TEX15: variants seen among roughly 807,000 people sequenced by gnomAD.
TEX15 encodes the protein testis expressed 15, meiosis and synapsis associated.
In TEX15, 171 loss-of-function variants were observed where a neutral mutation model predicts 237.3. The ratio of observed to expected loss-of-function variants is 0.72; its 90% CI spans 0.64 to 0.82. The LOEUF (loss-of-function observed/expected upper bound fraction) is 0.82. Ranked by LOEUF, TEX15 falls within the 40% of genes least tolerant of loss-of-function variation. TEX15 has a pLI of 0.00. For synonymous variants in TEX15, 1,338 were observed against 1,269.8 expected (o/e 1.05, Z -1.14); for missense variants, 3,750 against 3,646.5 (o/e 1.03, Z -0.73).
At chr8:30,866,278 G>A (rs1422115059) in intron 5 of TEX15, among the ~76,000 whole-genome samples, 4 of 151,104 alleles carry the variant, frequency 2.6e-5, no homozygotes, top group African/African-American at 9.7e-5. Context: ...AAAGGAAAAT[G>A]GAAGGGAGAA....
chr8:30,862,761 T>C (rs2128771008), intron 5 of TEX15, among the ~76,000 whole-genome samples: 1 of 152,298 alleles, frequency 6.6e-6, no homozygotes, highest in East Asian at 1.9e-4. Flanking sequence ...TAAATCTTTT[T>C]TTTTCTTTTC....
At chr8:30,895,171 G>A (rs1808872835) in intron 2 of TEX15, among the ~76,000 whole-genome samples, 1 of 151,766 alleles carries the variant, frequency 6.6e-6, no homozygotes. Flanking sequence ...AGATGGAAAA[G>A]GCCCATACCA....
intron 2 of TEX15, among the ~76,000 whole-genome samples, chr8:30,890,092 C>CAATACAT (rs1808766730): frequency 6.6e-6 from 1 of 150,826 alleles, no homozygotes; most frequent in East Asian, 1.9e-4. Context: ...ATGTACACGG[C>CAATACAT]AATACATATA....
chr8:30,845,175 A>G lies in TEX15; in HGVS notation c.4992T>C (p.Asp1664=), dbSNP rs758816379. ...AAATAAGGTTACCTTGTTGGTAGAGATCATTTAAAAAGTGCTTCACATTTG... is the reference window on the plus strand; with the variant it reads ...AAATAAGGTTACCTTGTTGGTAGAGGTCATTTAAAAAGTGCTTCACATTTG... ...LDSNVKHFLN[D]LYQQGNLILS... is the part of the protein sequence containing the mutation. Residue 1664 remains aspartate (D), a synonymous_variant, in exon 8 of 11, where the codon GAT becomes GAC. Coordinates refer to ENST00000643185, the MANE Select transcript of TEX15 (RefSeq NM_001350162.2). The G allele has an allele frequency of 6.2e-7, 1 of 1,613,472 alleles. No homozygotes were observed. The highest frequency in any genetic ancestry group is 1.1e-5 in the South Asian group (1 of 91,058).
At position 30,846,494 on chromosome 8, in the gene TEX15, T is replaced by A; in HGVS notation, c.3673A>T (p.Ile1225Leu). 1 of 1,613,566 alleles carries A rather than the reference T, an allele frequency of 6.2e-7. No homozygotes were observed. The highest frequency in any genetic ancestry group is 2.2e-5 in the East Asian group (1 of 44,868). The change falls in exon 8 of 11, where the codon ATA (isoleucine) becomes TTA (leucine). Residue 1225 changes from isoleucine to leucine, a missense_variant. Ile to Leu is a conservative substitution (Grantham distance 5, BLOSUM62 2). Coordinates refer to ENST00000643185, the MANE Select transcript of TEX15 (RefSeq NM_001350162.2). ...DYPCEDKVDN[I>L]RQESGPVSNS... Reference sequence around the variant, plus strand: ...CTCACTGGCCCTGATTCTTGCCTTATATTATCAACTTTATCTTCACATGGA... The same window carrying A: ...CTCACTGGCCCTGATTCTTGCCTTAAATTATCAACTTTATCTTCACATGGA...
In TEX15 at chr8:30,900,874, A is replaced by G. The variant is rs111755900; in HGVS notation, c.-85-2057T>C. 6.6e-5 allele frequency among the ~76,000 whole-genome samples: 10 copies of G among 152,336 alleles called. 1 individual carries two copies. The highest frequency in any genetic ancestry group is 2.4e-4 in the African/African-American group (10 of 41,584). On this transcript the variant is annotated intron_variant, in intron 1 of 10. Transcript: ENST00000643185. ...GTGATATTCCATGAAAAGAAAAACT[A>G]GGGCTGGGCATGGTGGCTCACACCT...
intron 3 of TEX15, among the ~76,000 whole-genome samples, chr8:30,881,610 C>CTTATT (rs1808523224): frequency 9.1e-6 from 1 of 109,426 alleles, no homozygotes; most frequent in African/African-American, 6.5e-5. Context: ...TCCATCTTGA[C>CTTATT]TTTTTATTTT....
At chr8:30,854,036 T>C (rs928393182) in intron 7 of TEX15, among the ~76,000 whole-genome samples, 2 of 152,010 alleles carry the variant, frequency 1.3e-5, no homozygotes, top group African/African-American at 4.8e-5. Context: ...TAAAGACCTA[T>C]ATTAACAAAG....
chr8:30,846,882 AGCCTTATATGAG>A lies in TEX15; in HGVS notation c.3273_3284del (p.Ser1092_Ala1095del), dbSNP rs1363244966. On this transcript the variant is annotated inframe_deletion, in exon 8 of 11. Coordinates refer to ENST00000643185, the MANE Select transcript of TEX15 (RefSeq NM_001350162.2). ...CTTCCCAACTGATACGAGACTTCAGAGCCTTATATGAGGTCACAAATTCTTCACAAAGCATGT... is the reference window on the plus strand; with the variant it reads ...CTTCCCAACTGATACGAGACTTCAGAGTCACAAATTCTTCACAAAGCATGT... 6.2e-7 allele frequency: 1 copy of A among 1,613,772 alleles called. No individual in the cohort carries two copies. Among genetic ancestry groups the A allele is most frequent in the African/African-American group, 1.3e-5 (1 of 74,922 alleles).
rs747577562 is a variant in TEX15, at chr8:30,849,334, A to T, written c.851-18T>A. 6.9e-7 allele frequency: 1 copy of T among 1,451,370 alleles called. No individual in the cohort carries two copies. Among genetic ancestry groups the T allele is most frequent in the African/African-American group, 1.4e-5 (1 of 69,706 alleles). The allele number at this position is 1,451,370 out of a possible 1,614,324, so 89.9% of individuals were successfully genotyped here. A position where few individuals can be genotyped will look rare whatever the true frequency, so the allele number is the denominator to read the frequency against. The stretch of plus-strand genomic sequence containing the variant: ...TGTCCTTTCTGTGGAAATAATAAGG[A>T]AGACAAATTTGAAAAAAAGTGTTTC... On this transcript the variant is annotated intron_variant, in intron 7 of 10. Transcript: ENST00000643185.
At position 30,837,964 on chromosome 8, in the gene TEX15, G is replaced by A; in HGVS notation, c.8320C>T (p.Gln2774Ter). ...NHLTPKKVEM[Q>*]RSLPGSLLPL... ...AAAAGTGAGCCAGGTAGTGATCTTT[G>A]CATTTCAACCTTTTTTGGCGTTAAA... The change falls in exon 10 of 11, where the codon CAA (glutamine) becomes TAA (stop). Residue 2774 changes from glutamine to a stop codon, truncating the protein, a stop_gained. Coordinates refer to ENST00000643185, the MANE Select transcript of TEX15 (RefSeq NM_001350162.2). LOFTEE classifies it high-confidence loss of function. The A allele has an allele frequency of 6.2e-7, 1 of 1,614,036 alleles. No homozygotes were observed. Among genetic ancestry groups the A allele is most frequent in the Non-Finnish European group, 8.5e-7 (1 of 1,179,976 alleles).
chr8:30,847,180 C>A lies in TEX15; in HGVS notation c.2987G>T (p.Ser996Ile). The A allele has an allele frequency of 1.2e-6, 2 of 1,613,976 alleles. No homozygotes were observed. The highest frequency in any genetic ancestry group is 1.7e-6 in the Non-Finnish European group (2 of 1,179,872). Residue 996 changes from serine to isoleucine, a missense_variant, in exon 8 of 11, where the codon AGC becomes ATC. By Grantham distance (142) the Ser-to-Ile change is moderately radical. Transcript: ENST00000643185. ...TATCTGGTGATCGTCATTATTTAGG[C>A]TTAATGCAGGCATAGTAGCACTAGC... ...QIASATMPAL[S>I]LNNDDHQIYQ...
At chr8:30,909,413 C>T (rs1445086104) in intron 1 of TEX15, among the ~76,000 whole-genome samples, 6 of 144,008 alleles carry the variant, frequency 4.2e-5, no homozygotes, top group African/African-American at 1.3e-4. Flanking sequence ...CGCCCCCACT[C>T]CCCCCTCAGG....
chr8:30,863,376 G>A (rs979260184), intron 5 of TEX15, among the ~76,000 whole-genome samples: 1 of 152,074 alleles, frequency 6.6e-6, no homozygotes, highest in Admixed American at 6.6e-5. Flanking sequence ...GCCACCCTTT[G>A]TGCCCCATGA....
At chr8:30,869,194 C>T (rs867353184) in intron 4 of TEX15, among the ~76,000 whole-genome samples, 11 of 151,960 alleles carry the variant, frequency 7.2e-5, no homozygotes, top group Middle Eastern at 3.4e-3. Flanking sequence ...TTTATTCAGA[C>T]GACAGGATCT....
intron 5 of TEX15, among the ~76,000 whole-genome samples, chr8:30,862,311 G>C (rs1308559949): frequency 6.6e-6 from 1 of 152,002 alleles, no homozygotes; most frequent in Non-Finnish European, 1.5e-5. Flanking sequence ...GGGCAAATAT[G>C]GCAGGTCTAC....
intron 8 of TEX15, 75 bp from the exon 9 acceptor site, chr8:30,840,039 TTAGA>T (rs1807414847): frequency 2.4e-6 from 2 of 840,880 alleles, no homozygotes; most frequent in South Asian, 2.7e-5. Flanking sequence ...TATTTCAATA[TTAGA>T]TATTTTTAAT....
intron 4 of TEX15, among the ~76,000 whole-genome samples, chr8:30,873,870 C>T (rs1808347454): frequency 1.3e-5 from 2 of 152,074 alleles, no homozygotes; most frequent in Non-Finnish European, 2.9e-5. Flanking sequence ...AACAATAAAT[C>T]CTATACATGT....
intron 1 of TEX15, among the ~76,000 whole-genome samples, chr8:30,909,200 A>G (rs1563282082): frequency 6.6e-6 from 1 of 152,196 alleles, no homozygotes; most frequent in East Asian, 1.9e-4. Context: ...ATTTAGTTAC[A>G]GTAGCTTAAT....
Sources: gnomAD v4.1 joint callset for allele counts (sites outside exome capture counted in the v4.1 genomes callset) on GRCh38, gnomAD v4.1.1 for gene constraint, MANE v1.5 for transcripts, NCBI Gene and HGNC (gene_info 2026-07-23, HGNC 2026-07-21) for gene names.